DTD1: variants seen among roughly 807,000 people sequenced by gnomAD.
DTD1 encodes D-tyrosyl-tRNA deacylase 1 homolog.
In DTD1, 13 loss-of-function variants were observed where a neutral mutation model predicts 25.6. The observed-to-expected ratio is 0.51, with a 90% CI of 0.33 to 0.81. The LOEUF (loss-of-function observed/expected upper bound fraction) is 0.81. Ranked by LOEUF, DTD1 falls within the 30% of genes least tolerant of loss-of-function variation. DTD1 has a pLI of 0.02. For missense variants in DTD1, 193 were observed against 266.4 expected, an observed-to-expected ratio of 0.72 and a Z score of 1.92; for synonymous variants, 110 against 103.6, an observed-to-expected ratio of 1.06 and a Z score of -0.37.
chr20:18,719,235 G>GTA (rs1231419333), intron 4 of DTD1, among the ~76,000 whole-genome samples: 28 of 136,086 alleles, frequency 2.1e-4, no homozygotes, highest in East Asian at 4.2e-4. Context: ...GTGTGTGTGT[G>GTA]TATATATATA....
chr20:18,737,643 C>T (rs543400537), intron 4 of DTD1, among the ~76,000 whole-genome samples: 4 of 152,320 alleles, frequency 2.6e-5, no homozygotes, highest in Admixed American at 2.6e-4. Flanking sequence ...GGCCAAGTGC[C>T]AGGGACATCA....
intron 4 of DTD1, among the ~76,000 whole-genome samples, chr20:18,696,670 T>G (rs1162476941): frequency 6.6e-6 from 1 of 152,008 alleles, no homozygotes; most frequent in Non-Finnish European, 1.5e-5. Flanking sequence ...TTCTCCTTCC[T>G]CAGCCTCCCA....
At chr20:18,600,255 A>G (rs1030783419) in intron 3 of DTD1, among the ~76,000 whole-genome samples, 3 of 152,304 alleles carry the variant, frequency 2.0e-5, no homozygotes, top group South Asian at 2.1e-4. Context: ...ATTTAGGCCT[A>G]TGATTCATTT....
intron 3 of DTD1, among the ~76,000 whole-genome samples, chr20:18,626,188 A>T (rs1389336133): frequency 6.6e-6 from 1 of 152,186 alleles, no homozygotes; most frequent in Non-Finnish European, 1.5e-5. Context: ...ACCTATGTGC[A>T]CCTTTGTAAC....
intron 3 of DTD1, among the ~76,000 whole-genome samples, chr20:18,626,190 C>A (rs912033676): frequency 6.6e-6 from 1 of 152,142 alleles, no homozygotes; most frequent in African/African-American, 2.4e-5. Context: ...CTATGTGCAC[C>A]TTTGTAACCA....
chr20:18,696,321 G>A (rs1030855237), intron 4 of DTD1, among the ~76,000 whole-genome samples: 3 of 152,090 alleles, frequency 2.0e-5, no homozygotes, highest in Admixed American at 6.6e-5. Context: ...AAATGGGGAC[G>A]TGCAGGGCCT....
intron 4 of DTD1, among the ~76,000 whole-genome samples, chr20:18,677,152 T>C: frequency 6.6e-6 from 1 of 152,254 alleles, no homozygotes; most frequent in Non-Finnish European, 1.5e-5. Flanking sequence ...TCTGCTTGAA[T>C]GCAAGAGCTT....
intron 4 of DTD1, among the ~76,000 whole-genome samples, chr20:18,635,720 T>G (rs17735473): frequency 0.072 from 10,957 of 152,268 alleles, 521 homozygotes; most frequent in Non-Finnish European, 0.1. Flanking sequence ...TCACTTTAAT[T>G]TGTTTCCAAA....
intron 2 of DTD1, 49 bp from the exon 3 acceptor site, chr20:18,595,957 G>A (rs1273487637): frequency 1.1e-5 from 17 of 1,539,764 alleles, no homozygotes; most frequent in Non-Finnish European, 1.3e-5. Context: ...GAGTGTGTTG[G>A]GGGGCTTGTG....
At chr20:18,663,819 G>A (rs2060920727) in intron 4 of DTD1, among the ~76,000 whole-genome samples, 1 of 152,208 alleles carries the variant, frequency 6.6e-6, no homozygotes, top group Non-Finnish European at 1.5e-5. Flanking sequence ...GTGCCAGCGG[G>A]GGAACTGCTA....
chr20:18,743,777 A>T (rs550462529), intron 4 of DTD1, among the ~76,000 whole-genome samples: 1 of 152,202 alleles, frequency 6.6e-6, no homozygotes, highest in Non-Finnish European at 1.5e-5. Context: ...AAGAGATGAA[A>T]AGCCTTCATA....
intron 4 of DTD1, among the ~76,000 whole-genome samples, chr20:18,672,263 A>T (rs1324622991): frequency 6.6e-6 from 1 of 152,128 alleles, no homozygotes; most frequent in Non-Finnish European, 1.5e-5. Flanking sequence ...CTAAGTCATC[A>T]TTGTTACAAG....
intron 4 of DTD1, among the ~76,000 whole-genome samples, chr20:18,636,774 A>G (rs2060809199): frequency 6.6e-6 from 1 of 152,198 alleles, no homozygotes; most frequent in African/African-American, 2.4e-5. Context: ...GGAGGTCCCA[A>G]GAAGTGAAGA....
intron 4 of DTD1, among the ~76,000 whole-genome samples, chr20:18,659,802 A>G (rs567382235): frequency 2.0e-4 from 30 of 152,328 alleles, no homozygotes; most frequent in African/African-American, 6.3e-4. Context: ...TACCTAATGC[A>G]TACGGGGCTT....
intron 4 of DTD1, among the ~76,000 whole-genome samples, chr20:18,684,821 G>T (rs2061010479): frequency 6.6e-6 from 1 of 152,060 alleles, no homozygotes; most frequent in South Asian, 2.1e-4. Context: ...CTACATGTTG[G>T]AGCTAAAGTC....
At chr20:18,621,930 G>C (rs958175360) in intron 3 of DTD1, among the ~76,000 whole-genome samples, 13 of 152,100 alleles carry the variant, frequency 8.5e-5, no homozygotes, top group Non-Finnish European at 1.3e-4. Context: ...CGGGCATGGT[G>C]GTGGGCGCCT....
Position 18,628,155 on chromosome 20 carries a change from G to A in DTD1, c.399G>A (p.Val133=), listed in dbSNP as rs2060766913. 6.2e-7 allele frequency: 1 copy of A among 1,613,860 alleles called. No individual in the cohort carries two copies. The highest frequency in any genetic ancestry group is 8.5e-7 in the Non-Finnish European group (1 of 1,179,826). ...GCAAGTTTGGGGCCTACATGCAGGTGCACATTCAGAATGATGGGCCTGTGA... is the reference window on the plus strand; with the variant it reads ...GCAAGTTTGGGGCCTACATGCAGGTACACATTCAGAATGATGGGCCTGTGA... ...KDGKFGAYMQ[V]HIQNDGPVTI... is the part of the protein sequence containing the mutation. The change falls in exon 4 of 6, where the codon GTG becomes GTA. Residue 133 remains valine, a synonymous_variant. Coordinates refer to ENST00000377452, the MANE Select transcript of DTD1 (RefSeq NM_080820.6).
chr20:18,621,351 T>G (rs58972447), intron 3 of DTD1, among the ~76,000 whole-genome samples: 4,455 of 152,276 alleles, frequency 0.029, 109 homozygotes, highest in African/African-American at 0.05. Flanking sequence ...TTGGGGCATA[T>G]GATGTCGACA....
In DTD1 at chr20:18,653,873, A is replaced by G. The variant is rs540935015; in HGVS notation, c.477+25640A>G. Among the ~76,000 whole-genome samples, 9 of 152,354 alleles carry G rather than the reference A, an allele frequency of 5.9e-5. No homozygotes were observed. In the East Asian group the frequency reaches 1.7e-3, roughly 29 times the overall value. Reference sequence around the variant, plus strand: ...CAAACAGTTTTAAAGTTTCAAATCCATGCACATGACCCTCACAGCCATCAT... The same window carrying G: ...CAAACAGTTTTAAAGTTTCAAATCCGTGCACATGACCCTCACAGCCATCAT... On this transcript the variant is annotated intron_variant, in intron 4 of 5. Transcript: ENST00000377452.
Sources: gnomAD v4.1 joint callset for allele counts (sites outside exome capture counted in the v4.1 genomes callset) on GRCh38, gnomAD v4.1.1 for gene constraint, MANE v1.5 for transcripts, NCBI Gene and HGNC (gene_info 2026-07-23, HGNC 2026-07-21) for gene names.